ADGRB3: variants seen among roughly 807,000 people sequenced by gnomAD.
The protein encoded by ADGRB3 is adhesion G protein-coupled receptor B3, also known as brain-specific angiogenesis inhibitor 3.
A neutral mutation model predicts 193.4 loss-of-function variants in ADGRB3; 37 were observed. The ratio of observed to expected loss-of-function variants is 0.19; its 90% confidence interval spans 0.15 to 0.25. The LOEUF is 0.25. ADGRB3 is among the 10% of genes least tolerant of loss of function. ADGRB3 has a pLI of 1.00. For synonymous variants in ADGRB3, 690 were observed against 644.2 expected (o/e 1.07, Z -1.08); for missense variants, 1,637 against 1,852.9 (o/e 0.88, Z 2.14).
At chr6:69,220,066 C>A (rs1765860630) in intron 17 of ADGRB3, among the ~76,000 whole-genome samples, 1 of 151,618 alleles carries the variant, frequency 6.6e-6, no homozygotes, top group Non-Finnish European at 1.5e-5. Flanking sequence ...TCTTCTTTTG[C>A]CTAGTAATGA....
At chr6:69,076,661 A>C (rs1772241749) in intron 17 of ADGRB3, among the ~76,000 whole-genome samples, 1 of 152,072 alleles carries the variant, frequency 6.6e-6, no homozygotes, top group Non-Finnish European at 1.5e-5. Flanking sequence ...TAATCCTGAG[A>C]TTTTGATGTC....
At chr6:69,329,868 A>G (rs1768678029) in intron 22 of ADGRB3, among the ~76,000 whole-genome samples, 1 of 152,216 alleles carries the variant, frequency 6.6e-6, no homozygotes, top group Non-Finnish European at 1.5e-5. Context: ...GTCTCTATCA[A>G]TGCAAACCTA....
intron 3 of ADGRB3, among the ~76,000 whole-genome samples, chr6:68,809,744 G>A (rs1385072434): frequency 6.6e-6 from 1 of 152,076 alleles, no homozygotes; most frequent in Non-Finnish European, 1.5e-5. Context: ...AAAAAACACA[G>A]GTCCTGTGGA....
chr6:68,811,265 A>G (rs1767507428), intron 3 of ADGRB3, among the ~76,000 whole-genome samples: 1 of 152,184 alleles, frequency 6.6e-6, no homozygotes, highest in Non-Finnish European at 1.5e-5. Context: ...ATGACATTTT[A>G]ATTCTTAGGC....
intron 3 of ADGRB3, among the ~76,000 whole-genome samples, chr6:68,836,747 T>C (rs510779): frequency 0.21 from 32,635 of 152,068 alleles, 4,052 homozygotes; most frequent in East Asian, 0.58. Context: ...CCCAATACTT[T>C]AGGAGGCTGA....
At chr6:69,122,455 T>C (rs1773733880) in intron 17 of ADGRB3, among the ~76,000 whole-genome samples, 1 of 75,206 alleles carries the variant, frequency 1.3e-5, no homozygotes, top group African/African-American at 5.4e-5. Flanking sequence ...GAAAGAAAGA[T>C]AAGGGAGAGG....
In ADGRB3 at chr6:68,639,265, C is replaced by G. The variant is rs1360751573; in HGVS notation, c.590C>G (p.Thr197Ser). The stretch of plus-strand genomic sequence containing the variant: ...TGTGGGATCATGTATACAAAATGCA[C>G]CTGCCCTCAGCATTTGGGAGAGTGG... Reference protein sequence around the residue: ...ESCGIMYTKCTCPQHLGEWGI... With the variant: ...ESCGIMYTKCSCPQHLGEWGI... The change falls in exon 3 of 32, where the codon ACC becomes AGC. Residue 197 changes from threonine (T) to serine (S), a missense_variant. By Grantham distance (58) the Thr-to-Ser change is moderately conservative (BLOSUM62 1). Transcript: ENST00000370598. 3 of 1,613,954 alleles carry G rather than the reference C, an allele frequency of 1.9e-6. No individual in the cohort carries two copies. Among genetic ancestry groups the G allele is most frequent in the Non-Finnish European group, 2.5e-6 (3 of 1,180,040 alleles).
chr6:69,181,847 G>T (rs1775592551), intron 17 of ADGRB3, among the ~76,000 whole-genome samples: 1 of 151,692 alleles, frequency 6.6e-6, no homozygotes, highest in South Asian at 2.1e-4. Context: ...TAATCATTTA[G>T]TCAACTAGAT....
chr6:69,095,009 C>T (rs192200914), intron 17 of ADGRB3, among the ~76,000 whole-genome samples: 4 of 152,280 alleles, frequency 2.6e-5, no homozygotes, highest in Admixed American at 2.0e-4. Flanking sequence ...ATCAGTGTGA[C>T]CTTTGTGCTT....
At chr6:68,841,887 G>A (rs547295836) in intron 3 of ADGRB3, among the ~76,000 whole-genome samples, 39 of 151,986 alleles carry the variant, frequency 2.6e-4, no homozygotes, top group African/African-American at 8.9e-4. Flanking sequence ...GGGTGTGTGT[G>A]TGGCAAGGAG....
At chr6:68,681,622 T>C (rs1419114364) in intron 3 of ADGRB3, among the ~76,000 whole-genome samples, 2 of 152,134 alleles carry the variant, frequency 1.3e-5, no homozygotes, top group African/African-American at 4.8e-5. Context: ...TTTCTCAATA[T>C]TTATATTCTC....
At position 68,888,542 on chromosome 6, in the gene ADGRB3, T is replaced by TACACACACAC. The variant is rs5877179; in HGVS notation, c.758-41993_758-41984dup. ...TTCAGTTCCTTTTTTGGGTAATAGATACACACACACACACACACACACACA... is the reference window on the plus strand; with the variant it reads ...TTCAGTTCCTTTTTTGGGTAATAGATACACACACACACACACACACACACACACACACACA... On this transcript the variant is annotated intron_variant, in intron 3 of 31. Transcript: ENST00000370598. Among the ~76,000 whole-genome samples, 1,110 of 146,150 alleles carry TACACACACAC rather than the reference T, an allele frequency of 7.6e-3. 11 individuals are homozygous for TACACACACAC. The highest frequency in any genetic ancestry group is 0.02 in the African/African-American group (790 of 39,528).
At chr6:69,149,286 A>T (rs1774598437) in intron 17 of ADGRB3, among the ~76,000 whole-genome samples, 1 of 151,728 alleles carries the variant, frequency 6.6e-6, no homozygotes, top group Non-Finnish European at 1.5e-5. Flanking sequence ...CTTCAAGCTC[A>T]CTAATTCTTT....
At chr6:69,182,523 T>C (rs891535169) in intron 17 of ADGRB3, among the ~76,000 whole-genome samples, 11 of 152,076 alleles carry the variant, frequency 7.2e-5, no homozygotes, top group African/African-American at 2.7e-4. Flanking sequence ...CATTCAGTGA[T>C]GGTCTTAATT....
intron 17 of ADGRB3, among the ~76,000 whole-genome samples, chr6:69,093,727 G>T (rs1027222026): frequency 4.0e-5 from 6 of 151,826 alleles, no homozygotes; most frequent in Non-Finnish European, 7.4e-5. Flanking sequence ...GAGCAGCCTA[G>T]GTTCAGGGAA....
intron 3 of ADGRB3, among the ~76,000 whole-genome samples, chr6:68,733,564 A>T (rs1052614981): frequency 3.3e-5 from 5 of 151,812 alleles, no homozygotes; most frequent in African/African-American, 1.2e-4. Context: ...CGTTCACTAG[A>T]AGCCCAAACC....
chr6:68,959,962 T>C (rs879362885), intron 8 of ADGRB3, among the ~76,000 whole-genome samples: 4 of 152,140 alleles, frequency 2.6e-5, no homozygotes, highest in Admixed American at 2.6e-4. Flanking sequence ...TGCTACAATG[T>C]CATACATAAT....
intron 3 of ADGRB3, among the ~76,000 whole-genome samples, chr6:68,639,927 A>C (rs1217694073): frequency 6.6e-6 from 1 of 152,132 alleles, no homozygotes; most frequent in Non-Finnish European, 1.5e-5. Flanking sequence ...CTTGACTAAA[A>C]GGTAGTGCAA....
At chr6:69,140,587 C>T (rs1774306218) in intron 17 of ADGRB3, among the ~76,000 whole-genome samples, 1 of 151,798 alleles carries the variant, frequency 6.6e-6, no homozygotes, top group Non-Finnish European at 1.5e-5. Context: ...AGCATTTAAT[C>T]GCAAAACAGG....
Sources: allele counts gnomAD v4.1 joint callset (sites outside exome capture counted in the v4.1 genomes callset), GRCh38; gene constraint gnomAD v4.1.1; transcripts MANE v1.5; gene names NCBI Gene and HGNC (gene_info 2026-07-23, HGNC 2026-07-21).